Variants in ZNF721 observed in about 807,000 individuals in gnomAD.
ZNF721 encodes zinc finger protein 721.
ZNF721 carries 2 observed loss-of-function variants against 2.4 expected under a neutral mutation model. The observed-to-expected ratio is 0.82, with a 90% CI of 0.34 to 2.58. The LOEUF (loss-of-function observed/expected upper bound fraction) is 2.58, where lower values mean the gene tolerates loss of function less well. Among genes scored for constraint, ZNF721 ranks in the 30% most tolerant of loss-of-function variants. ZNF721 has a pLI of 0.11. For missense variants in ZNF721, 1,187 were observed against 1,085.5 expected, an observed-to-expected ratio of 1.09 and a Z score of -1.31; for synonymous variants, 398 against 381.8, an observed-to-expected ratio of 1.04 and a Z score of -0.50.
chr4:475,431 C>T (rs1715600228), intron 1 of ZNF721, among the ~76,000 whole-genome samples: 1 of 151,678 alleles, frequency 6.6e-6, no homozygotes, highest in Non-Finnish European at 1.5e-5. Context: ...GAGTATTGAT[C>T]TCTCTCTCTA....
chr4:445,674 TA>T (rs1176628787), intron 2 of ZNF721, among the ~76,000 whole-genome samples: 7 of 151,574 alleles, frequency 4.6e-5, no homozygotes, highest in East Asian at 1.9e-4. Flanking sequence ...ATTAAAAACA[TA>T]AAAAAAGGAG....
At chr4:447,127 C>G (rs1714503493) in intron 2 of ZNF721, among the ~76,000 whole-genome samples, 1 of 152,050 alleles carries the variant, frequency 6.6e-6, no homozygotes, top group African/African-American at 2.4e-5. Context: ...TGAGACCATC[C>G]TAGCTAACAT....
chr4:475,140 TGGC>T (rs1175021513), intron 1 of ZNF721, among the ~76,000 whole-genome samples: 2 of 151,694 alleles, frequency 1.3e-5, no homozygotes, highest in Non-Finnish European at 2.9e-5. Context: ...TTAGTTGAGA[TGGC>T]GTCACTGCTC....
At chr4:499,014 G>A (rs115998727) in intron 1 of ZNF721, 42 bp downstream of exon 1, 197 of 387,578 alleles carry the variant, frequency 5.1e-4, no homozygotes, top group African/African-American at 4.0e-3. Context: ...GTGAGCCACT[G>A]CACCCTGCCT....
intron 2 of ZNF721, among the ~76,000 whole-genome samples, chr4:463,761 T>A (rs547760865): frequency 1.3e-5 from 2 of 152,016 alleles, no homozygotes; most frequent in East Asian, 3.9e-4. Context: ...TGTAAGGGAA[T>A]GAGGGGGCTA....
intron 2 of ZNF721, among the ~76,000 whole-genome samples, chr4:445,173 T>C (rs1714433679): frequency 6.6e-6 from 1 of 151,882 alleles, no homozygotes; most frequent in Admixed American, 6.6e-5. Context: ...TTAGTAGAGA[T>C]GGGGTTTCAC....
At chr4:468,146 A>G (rs1715314256) in intron 2 of ZNF721, among the ~76,000 whole-genome samples, 1 of 152,116 alleles carries the variant, frequency 6.6e-6, no homozygotes. Context: ...GGGCGCCTTT[A>G]GTCCCAGCTA....
At chr4:450,775 A>G (rs1714623334) in intron 2 of ZNF721, among the ~76,000 whole-genome samples, 1 of 151,242 alleles carries the variant, frequency 6.6e-6, no homozygotes, top group Non-Finnish European at 1.5e-5. Flanking sequence ...ATCTCTACTA[A>G]ACATACAAAA....
chr4:442,652 T>A lies in ZNF721; in HGVS notation c.1815A>T (p.Lys605Asn). Reference sequence around the variant, plus strand: ...TGTAAAGTTTCTCTCCAGTATGAATTTTCTTGTGTTGATTCAGGTCTGTGT... The same window carrying A: ...TGTAAAGTTTCTCTCCAGTATGAATATTCTTGTGTTGATTCAGGTCTGTGT... ...GRYTDLNQHK[K>N]IHTGEKLYKC... The change falls in exon 3 of 3, where the codon AAA becomes AAT. Residue 605 changes from lysine (K) to asparagine (N), a missense_variant. Transcript: ENST00000511833. The A allele has an allele frequency of 6.2e-7, 1 of 1,613,998 alleles. No individual in the cohort carries two copies. Among genetic ancestry groups the A allele is most frequent in the Non-Finnish European group, 8.5e-7 (1 of 1,179,958 alleles).
intron 2 of ZNF721, among the ~76,000 whole-genome samples, chr4:448,727 T>C (rs1179415560): frequency 6.6e-6 from 1 of 152,170 alleles, no homozygotes; most frequent in Admixed American, 6.5e-5. Flanking sequence ...TAATTTGGGA[T>C]AGATATAAAG....
At chr4:446,380 T>C (rs1295391118) in intron 2 of ZNF721, among the ~76,000 whole-genome samples, 1 of 147,094 alleles carries the variant, frequency 6.8e-6, no homozygotes, top group Middle Eastern at 3.4e-3. Context: ...GAGGAAGTTT[T>C]CTTTTTTTTT....
At chr4:463,336 A>G (rs1715128839) in intron 2 of ZNF721, among the ~76,000 whole-genome samples, 1 of 152,200 alleles carries the variant, frequency 6.6e-6, no homozygotes, top group African/African-American at 2.4e-5. Flanking sequence ...ATCATTGTGG[A>G]AGACAGTGTG....
chr4:447,746 A>G (rs564193994), intron 2 of ZNF721, among the ~76,000 whole-genome samples: 3 of 152,356 alleles, frequency 2.0e-5, no homozygotes, highest in Admixed American at 1.3e-4. Flanking sequence ...GTACATCTTA[A>G]GTCAAAACTA....
intron 2 of ZNF721, among the ~76,000 whole-genome samples, chr4:447,738 A>G (rs1485754473): frequency 6.6e-6 from 1 of 152,244 alleles, no homozygotes; most frequent in East Asian, 1.9e-4. Context: ...AACACAAAGT[A>G]CATCTTAAGT....
At chr4:491,977 A>AC (rs1383744013) in intron 1 of ZNF721, among the ~76,000 whole-genome samples, 3 of 151,086 alleles carry the variant, frequency 2.0e-5, no homozygotes, top group African/African-American at 7.3e-5. Flanking sequence ...ACACTGTGAA[A>AC]CCCCATCTCT....
At chr4:477,761 A>G (rs1445509295) in intron 1 of ZNF721, among the ~76,000 whole-genome samples, 1 of 152,182 alleles carries the variant, frequency 6.6e-6, no homozygotes, top group Admixed American at 6.5e-5. Flanking sequence ...GGAAATACCT[A>G]TAAAGAAAGA....
At position 443,117 on chromosome 4, in the gene ZNF721, A is replaced by G. The variant is rs1714327383; in HGVS notation, c.1350T>C (p.Cys450=). 1.2e-6 allele frequency: 2 copies of G among 1,613,808 alleles called. No individual in the cohort carries two copies. The highest frequency in any genetic ancestry group is 3.3e-5 in the Admixed American group (2 of 60,006). Residue 450 remains cysteine, a synonymous_variant, in exon 3 of 3, where the codon TGT becomes TGC. Transcript: ENST00000511833. ...TGDKPYKCKE[C]GKAFIHSLHL... Reference sequence around the variant, plus strand: ...GCAAGGAATGTATAAAGGCTTTCCCACATTCTTTACATTTGTAGGGTTTAT... The same window carrying G: ...GCAAGGAATGTATAAAGGCTTTCCCGCATTCTTTACATTTGTAGGGTTTAT...
chr4:446,272 C>G (rs1226698345), intron 2 of ZNF721, among the ~76,000 whole-genome samples: 2 of 151,790 alleles, frequency 1.3e-5, no homozygotes, highest in African/African-American at 4.8e-5. Context: ...AAGTTAAAAG[C>G]ATAAAAATGA....
intron 1 of ZNF721, among the ~76,000 whole-genome samples, chr4:497,606 G>A (rs1180445431): frequency 6.6e-6 from 1 of 151,806 alleles, no homozygotes; most frequent in Admixed American, 6.6e-5. Flanking sequence ...ATAACAGGCC[G>A]GACAGGGCGC....
Sources: gnomAD v4.1 joint callset for allele counts (sites outside exome capture counted in the v4.1 genomes callset) on GRCh38, gnomAD v4.1.1 for gene constraint, MANE v1.5 for transcripts, NCBI Gene and HGNC (gene_info 2026-07-23, HGNC 2026-07-21) for gene names.